The following CCR3 variants were observed in gnomAD, a reference collection of about 807,000 sequenced individuals.
CCR3 encodes C-C motif chemokine receptor 3.
For synonymous variants in CCR3, 203 were observed against 179.2 expected (o/e 1.13, Z -1.06); for missense variants, 419 against 437.5 (o/e 0.96, Z 0.38).
At chr3:46,221,631 CT>C (rs751180378) in intron 2 of CCR3, among the ~76,000 whole-genome samples, 26 of 152,182 alleles carry the variant, frequency 1.7e-4, no homozygotes, top group Non-Finnish European at 3.1e-4. Context: ...CTTTTCTAGA[CT>C]TTTAGTCTTA....
At chr3:46,212,674 C>A (rs1005454721) in intron 2 of CCR3, among the ~76,000 whole-genome samples, 3 of 152,070 alleles carry the variant, frequency 2.0e-5, no homozygotes, top group African/African-American at 7.2e-5. Flanking sequence ...ACTTGACAAA[C>A]CAAGGAGAAA....
In CCR3 at chr3:46,244,577, G is replaced by T. The variant is rs376866008; in HGVS notation, c.-12+2039G>T. On this transcript the variant is annotated intron_variant, in intron 1 of 1. Transcript: ENST00000395940. ...TGGCGGGCAGGAGTGGGGGTCACAA[G>T]GTGCTCAGTGGGGGAGCTTTTTGAG... Among the ~76,000 whole-genome samples the T allele has an allele frequency of 1.2e-4, 18 of 152,318 alleles. No individual in the cohort carries two copies. The South Asian group carries it at 3.1e-3, about 26-fold the overall frequency.
At chr3:46,263,051 T>C (rs1700556577) in intron 1 of CCR3, among the ~76,000 whole-genome samples, 1 of 152,220 alleles carries the variant, frequency 6.6e-6, no homozygotes, top group Non-Finnish European at 1.5e-5. Flanking sequence ...GCTGTGAACT[T>C]CAGTGCTAAA....
intron 1 of CCR3, chr3:46,264,503 G>T: frequency 8.5e-7 from 1 of 1,175,114 alleles, no homozygotes; most frequent in South Asian, 1.4e-5. Context: ...CACTACATTT[G>T]AATCTAGTGA....
chr3:46,228,996 C>G (rs1352112688), intron 2 of CCR3, among the ~76,000 whole-genome samples: 2 of 152,294 alleles, frequency 1.3e-5, no homozygotes, highest in South Asian at 2.1e-4. Context: ...CTCTTTCTAG[C>G]TTTTCCTTTC....
intron 2 of CCR3, among the ~76,000 whole-genome samples, chr3:46,222,053 G>A (rs1575486391): frequency 6.6e-6 from 1 of 152,346 alleles, no homozygotes; most frequent in East Asian, 1.9e-4. Flanking sequence ...GAGCCCTGAA[G>A]GTCAGATAGG....
In CCR3 at chr3:46,265,755, C is replaced by A. The variant is rs748697659; in HGVS notation, c.597C>A (p.His199Gln). ...CAGTATATAGCTGGAGGCATTTCCA[C>A]ACTCTGAGAATGACCATCTTCTGTC... ...EDTVYSWRHF[H>Q]TLRMTIFCLV... Residue 199 changes from histidine to glutamine, a missense_variant, in exon 2 of 2, where the codon CAC (histidine) becomes CAA (glutamine). His to Gln is a conservative substitution (Grantham distance 24). Transcript: ENST00000395940. The A allele has an allele frequency of 2.0e-5, 33 of 1,613,734 alleles. No individual in the cohort carries two copies. The highest frequency in any genetic ancestry group is 2.7e-5 in the Non-Finnish European group (32 of 1,179,990).
chr3:46,226,876 T>A (rs977020142), intron 2 of CCR3, among the ~76,000 whole-genome samples: 7 of 151,350 alleles, frequency 4.6e-5, no homozygotes, highest in African/African-American at 1.7e-4. Context: ...ATATATATAT[T>A]TTCTTTTTTA....
chr3:46,237,948 T>C (rs780424044), upstream of CCR3, among the ~76,000 whole-genome samples: 1 of 152,264 alleles, frequency 6.6e-6, no homozygotes, highest in Non-Finnish European at 1.5e-5. Context: ...GAATAATTTC[T>C]ACACATTTGA....
intron 2 of CCR3, among the ~76,000 whole-genome samples, chr3:46,219,940 C>A (rs1379054483): frequency 6.6e-6 from 1 of 152,158 alleles, no homozygotes; most frequent in Non-Finnish European, 1.5e-5. Flanking sequence ...GCAAAGAGTT[C>A]ATGTCCAAGA....
intron 2 of CCR3, among the ~76,000 whole-genome samples, chr3:46,226,837 T>C (rs945678148): frequency 1.9e-4 from 28 of 151,338 alleles, no homozygotes; most frequent in Middle Eastern, 3.4e-3. Context: ...GTTTGCTGAG[T>C]GTTTACCATG....
At chr3:46,234,262 T>C (rs779642330) in intron 2 of CCR3, among the ~76,000 whole-genome samples, 31 of 151,954 alleles carry the variant, frequency 2.0e-4, no homozygotes, top group Admixed American at 6.6e-5. Context: ...TCTCCAGGAG[T>C]GTTTTCTAAC....
intron 1 of CCR3, among the ~76,000 whole-genome samples, chr3:46,247,836 G>A (rs1474395793): frequency 2.0e-5 from 3 of 152,108 alleles, no homozygotes; most frequent in African/African-American, 4.8e-5. Flanking sequence ...GCAAATCCTC[G>A]AGCTTGATGT....
intron 1 of CCR3, among the ~76,000 whole-genome samples, chr3:46,261,039 T>C (rs925317370): frequency 2.0e-5 from 3 of 152,210 alleles, no homozygotes; most frequent in African/African-American, 4.8e-5. Context: ...TAACTTTTGT[T>C]CTTTATTATC....
At chr3:46,242,151 A>G (rs200126106), upstream of CCR3, among the ~76,000 whole-genome samples, 6 of 150,058 alleles carry the variant, frequency 4.0e-5, no homozygotes, top group South Asian at 2.1e-4. Context: ...AAAAAAAATT[A>G]TAACAACCCC....
intron 2 of CCR3, among the ~76,000 whole-genome samples, chr3:46,227,778 C>T (rs58770254): frequency 0.018 from 2,721 of 152,204 alleles, 79 homozygotes; most frequent in African/African-American, 0.061. Flanking sequence ...CCTCTTTGAC[C>T]CATAAATTAG....
chr3:46,228,065 A>G (rs1699922786), intron 2 of CCR3, among the ~76,000 whole-genome samples: 2 of 152,112 alleles, frequency 1.3e-5, no homozygotes, highest in African/African-American at 2.4e-5. Context: ...GGAAGATAAC[A>G]TCCCACACTA....
At chr3:46,223,046 C>A (rs1699854593) in intron 2 of CCR3, among the ~76,000 whole-genome samples, 1 of 152,214 alleles carries the variant, frequency 6.6e-6, no homozygotes, top group African/African-American at 2.4e-5. Context: ...TACAGTCTTG[C>A]ATGCCAAGTT....
intron 1 of CCR3, among the ~76,000 whole-genome samples, chr3:46,242,982 C>CAT (rs10662192): frequency 0.01 from 1,017 of 99,188 alleles, 20 homozygotes; most frequent in African/African-American, 0.027. Context: ...TATATATACA[C>CAT]ATATATATAT....
Sources: gnomAD v4.1 joint callset for allele counts (sites outside exome capture counted in the v4.1 genomes callset) on GRCh38, gnomAD v4.1.1 for gene constraint, MANE v1.5 for transcripts, NCBI Gene and HGNC (gene_info 2026-07-23, HGNC 2026-07-21) for gene names.